Variants in TMPO observed in about 807,000 individuals in gnomAD.
TMPO encodes the protein thymopoietin, also known as LEM domain containing 4.
In TMPO, 22 loss-of-function variants were observed where a neutral mutation model predicts 45.4. The ratio of observed to expected loss-of-function variants is 0.48; its 90% confidence interval spans 0.35 to 0.69. TMPO has a LOEUF of 0.69. TMPO is among the 30% of genes least tolerant of loss of function. The pLI is 0.01. For synonymous variants in TMPO, 241 were observed against 204.1 expected (o/e 1.18, Z -1.54); for missense variants, 512 against 548.8 (o/e 0.93, Z 0.67).
chr12:98,544,636 A>ATTT, intron 6 of TMPO, 99 bp downstream of exon 6: 4 of 920,500 alleles, frequency 4.3e-6, no homozygotes, highest in South Asian at 1.6e-5. Flanking sequence ...TCAAATTTAC[A>ATTT]TGTTTTTTTT....
At position 98,515,847 on chromosome 12, in the gene TMPO, G is replaced by A. The variant is rs781207188; in HGVS notation, c.-21G>A. Reference sequence around the variant, plus strand: ...CGGCGGCGGCAAAGGCTGTGGGGAGGGGGCTTCGCAGATCCCCGAGATGCC... The same window carrying A: ...CGGCGGCGGCAAAGGCTGTGGGGAGAGGGCTTCGCAGATCCCCGAGATGCC... On this transcript the variant is annotated 5_prime_UTR_variant, in exon 1 of 9. Transcript: ENST00000556029. 7 of 1,604,520 alleles carry A rather than the reference G, an allele frequency of 4.4e-6. No homozygotes were observed. Among genetic ancestry groups the A allele is most frequent in the African/African-American group, 4.0e-5 (3 of 74,572 alleles).
chr12:98,531,827 A>T lies in TMPO; in HGVS notation c.554A>T (p.Asp185Val). 6.2e-7 allele frequency: 1 copy of T among 1,611,282 alleles called. No individual in the cohort carries two copies. The highest frequency in any genetic ancestry group is 8.5e-7 in the Non-Finnish European group (1 of 1,178,788). The change falls in exon 3 of 9, where the codon GAC becomes GTC. Residue 185 changes from aspartate to valine, a missense_variant. Around this residue, in one of 3 missense-constraint regions of TMPO, gnomAD observed 299 missense variants for 296.7 expected, o/e 1.01. Coordinates refer to ENST00000556029, the MANE Select transcript of TMPO (RefSeq NM_001032283.3). ...NGSNDSDRYS[D>V]NEEDSKIELK... ...AGTAATGATTCTGACAGATACAGTGACAATGAAGAAGGTAAAATTTTAAAT... is the reference window on the plus strand; with the variant it reads ...AGTAATGATTCTGACAGATACAGTGTCAATGAAGAAGGTAAAATTTTAAAT...
At chr12:98,521,249 G>A (rs1300384389) in intron 1 of TMPO, among the ~76,000 whole-genome samples, 3 of 150,802 alleles carry the variant, frequency 2.0e-5, no homozygotes, top group East Asian at 2.0e-4. Context: ...CTGGGGCTAC[G>A]TGGTGGCACC....
At chr12:98,534,728 G>A in intron 3 of TMPO, 1 of 1,032,850 alleles carries the variant, frequency 9.7e-7, no homozygotes, top group Non-Finnish European at 1.2e-6. Context: ...TTAAACATTT[G>A]TTACACATTC....
chr12:98,535,767 G>T, intron 3 of TMPO: 1 of 634,076 alleles, frequency 1.6e-6, no homozygotes, highest in African/African-American at 2.0e-5. Context: ...TGGTATAATT[G>T]AAAATATTCT....
chr12:98,516,003 A>G lies in TMPO; in HGVS notation c.136A>G (p.Thr46Ala). Residue 46 changes from threonine (T) to alanine (A), a missense_variant, in exon 1 of 9, where the codon ACG (threonine) becomes GCG (alanine). By Grantham distance (58) the Thr-to-Ala change is moderately conservative. Transcript: ENST00000556029. ...CGTCCAGCTCTACCTGCAGCACCTCACGGCTCGCAACCGGCCGCCGCTCCC... is the reference window on the plus strand; with the variant it reads ...CGTCCAGCTCTACCTGCAGCACCTCGCGGCTCGCAACCGGCCGCCGCTCCC... Reference protein sequence around the residue: ...VYVQLYLQHLTARNRPPLPAG... With the variant: ...VYVQLYLQHLAARNRPPLPAG... The G allele has an allele frequency of 6.2e-7, 1 of 1,611,230 alleles. No individual in the cohort carries two copies. Among genetic ancestry groups the G allele is most frequent in the Non-Finnish European group, 8.5e-7 (1 of 1,179,548 alleles).
In TMPO at chr12:98,548,368, T is replaced by G. The variant is rs1172449851; in HGVS notation, c.*510T>G. On this transcript the variant is annotated 3_prime_UTR_variant, in exon 9 of 9. Coordinates refer to ENST00000556029, the MANE Select transcript of TMPO (RefSeq NM_001032283.3). Reference sequence around the variant, plus strand: ...AACTGCAACAAAGTTTGATGGTGTTTATGAGGAAAAGTACAGCAATAATCT... The same window carrying G: ...AACTGCAACAAAGTTTGATGGTGTTGATGAGGAAAAGTACAGCAATAATCT... 1 of 158,668 alleles carries G rather than the reference T, an allele frequency of 6.3e-6. No individual in the cohort carries two copies. The highest frequency in any genetic ancestry group is 2.4e-5 in the African/African-American group (1 of 41,490). The allele number at this position is 158,668 out of a possible 1,614,324, so 9.8% of individuals were successfully genotyped here.
intron 4 of TMPO, among the ~76,000 whole-genome samples, chr12:98,543,325 A>G (rs1878037095): frequency 6.6e-6 from 1 of 152,228 alleles, no homozygotes; most frequent in South Asian, 2.1e-4. Flanking sequence ...ATCATCTGGT[A>G]ATAGCGACTT....
At chr12:98,523,534 T>TC (rs1252577017) in intron 1 of TMPO, among the ~76,000 whole-genome samples, 1 of 150,892 alleles carries the variant, frequency 6.6e-6, no homozygotes, top group African/African-American at 2.4e-5. Context: ...AGAGTGAGAC[T>TC]CCATCTCAAA....
chr12:98,534,591 G>T, intron 3 of TMPO: 1 of 1,257,638 alleles, frequency 8.0e-7, no homozygotes, highest in Non-Finnish European at 1.0e-6. Context: ...TCTCTAAGTT[G>T]TTTTCTGTTT....
chr12:98,542,537 A>G (rs773498947), intron 4 of TMPO, among the ~76,000 whole-genome samples: 1 of 150,106 alleles, frequency 6.7e-6, no homozygotes, highest in Non-Finnish European at 1.5e-5. Context: ...CTTTCCGTCT[A>G]TTCAAATAGT....
chr12:98,523,999 AG>A, intron 1 of TMPO, among the ~76,000 whole-genome samples: 1 of 152,190 alleles, frequency 6.6e-6, no homozygotes, highest in Non-Finnish European at 1.5e-5. Flanking sequence ...TAGATTTGAT[AG>A]GCCTGTTATT....
chr12:98,544,061 A>G (rs1188995351), intron 4 of TMPO, 169 bp from the exon 5 acceptor site: 3 of 696,252 alleles, frequency 4.3e-6, no homozygotes, highest in Non-Finnish European at 2.4e-6. Flanking sequence ...CCTGATGCCT[A>G]AATATCAGTT....
chr12:98,549,446 T>G lies in TMPO; in HGVS notation c.*1588T>G, dbSNP rs112838469. On this transcript the variant is annotated 3_prime_UTR_variant, in exon 9 of 9. Transcript: ENST00000556029. The stretch of plus-strand genomic sequence containing the variant: ...CAAAGTGCTGGGATTACAGGTGTGA[T>G]CCACTGCACCCGGCCGGCATTATGA... 0.15 allele frequency: 18,107 copies of G among 120,112 alleles called. 1,696 individuals carry two copies. Among genetic ancestry groups the G allele is most frequent in the African/African-American group, 0.3 (10,716 of 35,764 alleles). The allele number at this position is 120,112 out of a possible 1,614,324, so 7.4% of individuals were successfully genotyped here.
At chr12:98,543,424 GTGAT>G (rs1878043967) in intron 4 of TMPO, among the ~76,000 whole-genome samples, 1 of 152,246 alleles carries the variant, frequency 6.6e-6, no homozygotes, top group African/African-American at 2.4e-5. Context: ...GAAGCTTCAA[GTGAT>G]TGATAGGCAC....
chr12:98,533,306 A>C, intron 3 of TMPO: 2 of 1,614,130 alleles, frequency 1.2e-6, no homozygotes, highest in Non-Finnish European at 1.7e-6. Flanking sequence ...ATTTCAGATC[A>C]ATCGCCTCTC....
chr12:98,515,642 G>C lies in TMPO; in HGVS notation c.-226G>C, dbSNP rs899080950. 9 of 824,608 alleles carry C rather than the reference G, an allele frequency of 1.1e-5. No individual in the cohort carries two copies. Among genetic ancestry groups the C allele is most frequent in the Non-Finnish European group, 1.7e-5 (9 of 538,476 alleles). 51.1% of individuals were successfully genotyped at this position (824,608 alleles called of 1,614,324 possible). Reference sequence around the variant, plus strand: ...AGTGTGTGGGCTGGGGTTGGTGCGAGCTTCCAGCTTGGCCGCAGTTGGTTC... The same window carrying C: ...AGTGTGTGGGCTGGGGTTGGTGCGACCTTCCAGCTTGGCCGCAGTTGGTTC... On this transcript the variant is annotated 5_prime_UTR_variant, in exon 1 of 9. Transcript: ENST00000556029.
intron 2 of TMPO, among the ~76,000 whole-genome samples, chr12:98,530,585 A>G (rs1877123263): frequency 6.6e-6 from 1 of 152,214 alleles, no homozygotes; most frequent in Admixed American, 6.5e-5. Flanking sequence ...TGATGTTCAA[A>G]TGTATTAAGA....
chr12:98,539,548 CT>C (rs1429146195), intron 4 of TMPO, among the ~76,000 whole-genome samples: 4 of 149,302 alleles, frequency 2.7e-5, no homozygotes, highest in African/African-American at 9.9e-5. Context: ...TCTCGGCTCA[CT>C]TGCAACCTCC....
Sources: allele counts gnomAD v4.1 joint callset (sites outside exome capture counted in the v4.1 genomes callset), GRCh38; gene constraint gnomAD v4.1.1; regional missense constraint gnomAD v4.1.1; transcripts MANE v1.5; gene names NCBI Gene and HGNC (gene_info 2026-07-23, HGNC 2026-07-21).